FOXP1: variants seen among roughly 807,000 people sequenced by gnomAD.
The protein encoded by FOXP1 is forkhead box protein P1.
In FOXP1, 15 loss-of-function variants were observed where a neutral mutation model predicts 98.2. The observed-to-expected ratio is 0.15, with a 90% CI of 0.10 to 0.24. The LOEUF is 0.24. Among genes scored for constraint, FOXP1 ranks in the 10% least tolerant of loss-of-function variants. FOXP1 has a pLI of 1.00. For missense variants in FOXP1, 633 were observed against 848.5 expected (o/e 0.75, Z 3.15); for synonymous variants, 371 against 314.5 (o/e 1.18, Z -1.90).
chr3:71,027,531 T>C (rs1378926591), intron 11 of FOXP1, among the ~76,000 whole-genome samples: 5 of 152,186 alleles, frequency 3.3e-5, no homozygotes, highest in Non-Finnish European at 7.4e-5. Flanking sequence ...CTCATTAACA[T>C]TCACTGGGTT....
At chr3:71,208,536 T>TTGTGTGTGTGTGTGTGTGTGTGTGTGTG (rs1553780525) in intron 5 of FOXP1, among the ~76,000 whole-genome samples, 372 of 149,322 alleles carry the variant, frequency 2.5e-3, no homozygotes, top group East Asian at 7.2e-3. Context: ...GCATTTAAGT[T>TTGTGTGTGTGTGTGTGTGTGTGTGTGTG]TGTGTGTGTG....
intron 4 of FOXP1, among the ~76,000 whole-genome samples, chr3:71,300,944 C>T (rs970106521): frequency 9.9e-5 from 15 of 152,214 alleles, no homozygotes; most frequent in African/African-American, 1.2e-4. Flanking sequence ...TCTTATTTCA[C>T]GAGGGCTAAA....
At chr3:70,967,188 G>C (rs912755652) in intron 19 of FOXP1, among the ~76,000 whole-genome samples, 1 of 152,178 alleles carries the variant, frequency 6.6e-6, no homozygotes, top group African/African-American at 2.4e-5. Context: ...AGTCATACAA[G>C]AGTCCGAACT....
intron 3 of FOXP1, among the ~76,000 whole-genome samples, chr3:71,397,859 C>T (rs537775865): frequency 4.6e-5 from 7 of 152,258 alleles, no homozygotes; most frequent in Non-Finnish European, 7.3e-5. Flanking sequence ...ACAGACAGAC[C>T]TAATCCTACA....
In FOXP1 at chr3:71,128,908, A is replaced by G. The variant is rs147206738; in HGVS notation, c.181-16271T>C. On this transcript the variant is annotated intron_variant, in intron 6 of 20. Transcript: ENST00000649528. ...ACTCACTTGCCTTAAAAAAAAAAAG[A>G]CACATATAATTTCCTTTTATCATAA... Among the ~76,000 whole-genome samples, 426 of 152,016 alleles carry G rather than the reference A, an allele frequency of 2.8e-3. 9 individuals are homozygous for G. The East Asian group carries it at 0.072, about 26-fold the overall frequency.
At chr3:71,035,340 C>G (rs1390238077) in intron 11 of FOXP1, among the ~76,000 whole-genome samples, 1 of 152,138 alleles carries the variant, frequency 6.6e-6, no homozygotes, top group Non-Finnish European at 1.5e-5. Flanking sequence ...CTGAGAAACA[C>G]CAGGCTAATG....
chr3:71,389,201 A>C (rs893744380), intron 3 of FOXP1, among the ~76,000 whole-genome samples: 2 of 130,842 alleles, frequency 1.5e-5, no homozygotes, highest in East Asian at 4.8e-4. Context: ...TGAGGCCTCC[A>C]ATCAATTAGG....
intron 3 of FOXP1, among the ~76,000 whole-genome samples, chr3:71,484,510 A>C (rs2090513623): frequency 6.6e-6 from 1 of 152,226 alleles, no homozygotes; most frequent in African/African-American, 2.4e-5. Context: ...AAAGGTTCAA[A>C]TACAGTTACA....
intron 7 of FOXP1, among the ~76,000 whole-genome samples, chr3:71,082,428 T>G (rs2054536656): frequency 7.1e-6 from 1 of 140,542 alleles, no homozygotes; most frequent in South Asian, 2.2e-4. Context: ...CTGAACAACA[T>G]GAACACATGG....
At chr3:71,018,286 C>A (rs184613382) in intron 11 of FOXP1, among the ~76,000 whole-genome samples, 4 of 152,298 alleles carry the variant, frequency 2.6e-5, no homozygotes, top group Admixed American at 2.6e-4. Flanking sequence ...TAACGACACA[C>A]TAGGGCCTTA....
intron 1 of FOXP1, chr3:71,582,742 C>G (rs1173376249): frequency 1.0e-6 from 1 of 985,074 alleles, no homozygotes; most frequent in African/African-American, 1.7e-5. Context: ...CTCGGGAAAG[C>G]GGAGGCCGAG....
chr3:71,180,244 C>T (rs1218992614), intron 6 of FOXP1, among the ~76,000 whole-genome samples: 1 of 151,944 alleles, frequency 6.6e-6, no homozygotes, highest in Non-Finnish European at 1.5e-5. Context: ...CAACACGGGC[C>T]ACAAGAATCA....
At chr3:71,234,158 G>GT (rs2066576237) in intron 5 of FOXP1, among the ~76,000 whole-genome samples, 1 of 91,284 alleles carries the variant, frequency 1.1e-5, no homozygotes, top group African/African-American at 5.3e-5. Flanking sequence ...AATATTATAA[G>GT]TAAAAAAAAA....
At chr3:70,983,961 GTTTAC>G (rs1195863534) in intron 14 of FOXP1, among the ~76,000 whole-genome samples, 1 of 152,132 alleles carries the variant, frequency 6.6e-6, no homozygotes, top group Non-Finnish European at 1.5e-5. Context: ...ACATTTGGGT[GTTTAC>G]TTTGAGAATG....
At chr3:71,324,183 A>C (rs138384775) in intron 4 of FOXP1, among the ~76,000 whole-genome samples, 30 of 152,262 alleles carry the variant, frequency 2.0e-4, no homozygotes, top group African/African-American at 7.0e-4. Flanking sequence ...TTTTGTCTTA[A>C]ATTTAGCCAT....
chr3:71,342,781 C>G (rs567498805), intron 4 of FOXP1, among the ~76,000 whole-genome samples: 1 of 151,910 alleles, frequency 6.6e-6, no homozygotes, highest in African/African-American at 2.4e-5. Context: ...CAAGAAGTTG[C>G]AAAAATAGTA....
intron 13 of FOXP1, among the ~76,000 whole-genome samples, chr3:70,992,709 T>G (rs1410522140): frequency 1.3e-5 from 2 of 152,202 alleles, no homozygotes; most frequent in Non-Finnish European, 2.9e-5. Context: ...CTCTTGACAT[T>G]TAAAGCAGAC....
intron 20 of FOXP1, among the ~76,000 whole-genome samples, chr3:70,960,480 G>T (rs559095520): frequency 2.0e-5 from 3 of 152,210 alleles, no homozygotes; most frequent in Non-Finnish European, 4.4e-5. Flanking sequence ...AATGTTGTTC[G>T]TAAATCATAT....
chr3:71,305,289 G>A (rs916794978), intron 4 of FOXP1, among the ~76,000 whole-genome samples: 1 of 152,154 alleles, frequency 6.6e-6, no homozygotes, highest in South Asian at 2.1e-4. Flanking sequence ...CACTGAGCCT[G>A]GATGATGTCT....
Sources: allele counts gnomAD v4.1 joint callset (sites outside exome capture counted in the v4.1 genomes callset), GRCh38; gene constraint gnomAD v4.1.1; transcripts MANE v1.5; gene names NCBI Gene and HGNC (gene_info 2026-07-23, HGNC 2026-07-21).